OLFM4: variants seen among roughly 807,000 people sequenced by gnomAD.
OLFM4 encodes the protein olfactomedin-4.
OLFM4 carries 22 observed loss-of-function variants against 25.5 expected under a neutral mutation model. The observed-to-expected ratio is 0.86, with a 90% CI of 0.62 to 1.23. OLFM4 has a LOEUF of 1.23. Among genes scored for constraint, OLFM4 ranks in the 50% most tolerant of loss-of-function variants. The pLI is 0.00. For synonymous variants in OLFM4, 255 were observed against 237.7 expected, an observed-to-expected ratio of 1.07 and a Z score of -0.67; for missense variants, 594 against 619.4, an observed-to-expected ratio of 0.96 and a Z score of 0.44.
intron 4 of OLFM4, among the ~76,000 whole-genome samples, chr13:53,046,430 T>G (rs983213735): frequency 2.0e-5 from 3 of 152,334 alleles, no homozygotes; most frequent in Admixed American, 6.5e-5. Flanking sequence ...AAGGCTAAAC[T>G]TCTATAGAGG....
At chr13:53,042,381 T>G (rs2138237988) in intron 3 of OLFM4, among the ~76,000 whole-genome samples, 1 of 152,316 alleles carries the variant, frequency 6.6e-6, no homozygotes, top group Non-Finnish European at 1.5e-5. Flanking sequence ...AAAATGCCCT[T>G]TCAACTTCTC....
chr13:53,032,785 C>A (rs1310066990), intron 1 of OLFM4, among the ~76,000 whole-genome samples: 3 of 151,866 alleles, frequency 2.0e-5, no homozygotes, highest in African/African-American at 7.3e-5. Context: ...GATGCAAAAG[C>A]CTTGATTGGC....
chr13:53,046,327 A>G (rs1393500221), intron 4 of OLFM4, among the ~76,000 whole-genome samples: 3 of 152,192 alleles, frequency 2.0e-5, no homozygotes, highest in Admixed American at 1.3e-4. Context: ...CCAAGTCAGA[A>G]TATTTTAAAT....
At chr13:53,038,923 C>A (rs565995786) in intron 2 of OLFM4, among the ~76,000 whole-genome samples, 1 of 152,246 alleles carries the variant, frequency 6.6e-6, no homozygotes, top group Non-Finnish European at 1.5e-5. Context: ...GGATGATTGC[C>A]ATTTTCCTGA....
Position 53,050,395 on chromosome 13 carries a change from C to T in OLFM4, c.1157C>T (p.Ala386Val). ...ANVAWQDIDF[A>V]VDENGLWVIY... Reference sequence around the variant, plus strand: ...GTTGCTTGGCAAGATATTGACTTTGCTGTGGATGAGAATGGATTGTGGGTT... The same window carrying T: ...GTTGCTTGGCAAGATATTGACTTTGTTGTGGATGAGAATGGATTGTGGGTT... Residue 386 changes from alanine (A) to valine (V), a missense_variant, in exon 5 of 5, where the codon GCT becomes GTT. Ala to Val is a moderately conservative substitution (Grantham distance 64). Coordinates refer to ENST00000219022, the MANE Select transcript of OLFM4 (RefSeq NM_006418.5). 1.9e-6 allele frequency: 3 copies of T among 1,614,038 alleles called. No homozygotes were observed. Among genetic ancestry groups the T allele is most frequent in the Non-Finnish European group, 2.5e-6 (3 of 1,179,980 alleles).
intron 4 of OLFM4, among the ~76,000 whole-genome samples, chr13:53,044,324 A>G (rs1258481323): frequency 1.1e-4 from 17 of 152,170 alleles, no homozygotes. Context: ...GATATCAATG[A>G]CACAGGGACC....
Position 53,043,145 on chromosome 13 carries a change from T to C in OLFM4, c.611T>C (p.Leu204Pro), listed in dbSNP as rs753801493. The change falls in exon 4 of 5, where the codon CTA (leucine) becomes CCA (proline). Residue 204 changes from leucine (L) to proline (P), a missense_variant. By Grantham distance (98) the Leu-to-Pro change is moderately conservative. Transcript: ENST00000219022. ...MTLLVEKLETLDKNNVLAIRR... is the reference protein window; with the variant it reads ...MTLLVEKLETPDKNNVLAIRR... ...CTCTTGGTAGAGAAGCTTGAGACAC[T>C]AGACAAAAACAATGTCCTTGCCATT... 14 of 1,612,310 alleles carry C rather than the reference T, an allele frequency of 8.7e-6. No homozygotes were observed. Among genetic ancestry groups the C allele is most frequent in the Non-Finnish European group, 1.2e-5 (14 of 1,179,302 alleles).
In OLFM4 at chr13:53,049,978, G is replaced by C. The variant is rs139228260; in HGVS notation, c.740G>C (p.Gly247Ala). The C allele has an allele frequency of 6.2e-7, 1 of 1,605,620 alleles. No homozygotes were observed. Among genetic ancestry groups the C allele is most frequent in the South Asian group, 1.1e-5 (1 of 90,830 alleles). Reference sequence around the variant, plus strand: ...TTTCTTGTTTGTATAGGGAGCTGTGGTCATGGTGGTGTGGTGAACATCAGC... The same window carrying C: ...TTTCTTGTTTGTATAGGGAGCTGTGCTCATGGTGGTGTGGTGAACATCAGC... Reference protein sequence around the residue: ...VHPPPTPGSCGHGGVVNISKP... With the variant: ...VHPPPTPGSCAHGGVVNISKP... The change falls in exon 5 of 5, where the codon GGT becomes GCT. Residue 247 changes from glycine (G) to alanine (A), a missense_variant. Transcript: ENST00000219022.
At chr13:53,049,382 G>A (rs1237354200) in intron 4 of OLFM4, among the ~76,000 whole-genome samples, 2 of 152,130 alleles carry the variant, frequency 1.3e-5, no homozygotes, top group African/African-American at 4.8e-5. Context: ...TCTGAGAATA[G>A]CTTAAAGCAG....
chr13:53,042,182 C>G (rs918737716), intron 3 of OLFM4, 60 bp downstream of exon 3: 4 of 1,403,454 alleles, frequency 2.9e-6, no homozygotes, highest in Admixed American at 1.8e-5. Context: ...TGACTGTAAG[C>G]AAGTACTAGT....
intron 2 of OLFM4, among the ~76,000 whole-genome samples, chr13:53,041,315 T>C (rs1295958193): frequency 1.3e-5 from 2 of 152,198 alleles, no homozygotes; most frequent in African/African-American, 4.8e-5. Context: ...GATCATGTTC[T>C]TTGTAGGAAC....
At chr13:53,049,407 G>A (rs145915957) in intron 4 of OLFM4, among the ~76,000 whole-genome samples, 4 of 152,260 alleles carry the variant, frequency 2.6e-5, no homozygotes, top group Non-Finnish European at 5.9e-5. Context: ...GGTACCTGGC[G>A]TGGATGTGCA....
At chr13:53,039,366 A>G (rs1247374209) in intron 2 of OLFM4, among the ~76,000 whole-genome samples, 3 of 152,170 alleles carry the variant, frequency 2.0e-5, no homozygotes, top group Non-Finnish European at 4.4e-5. Context: ...TCTGCAGTGC[A>G]CTTCTCAGGG....
chr13:53,031,918 A>G (rs1157073103), intron 1 of OLFM4, among the ~76,000 whole-genome samples: 2 of 152,222 alleles, frequency 1.3e-5, no homozygotes, highest in African/African-American at 2.4e-5. Flanking sequence ...TCATTCATGT[A>G]GAGTTTGGGC....
At chr13:53,040,816 C>G (rs919753936) in intron 2 of OLFM4, among the ~76,000 whole-genome samples, 1 of 152,080 alleles carries the variant, frequency 6.6e-6, no homozygotes, top group Admixed American at 6.6e-5. Flanking sequence ...ATGATACAAA[C>G]CAGTTTAGTT....
intron 2 of OLFM4, among the ~76,000 whole-genome samples, chr13:53,040,384 AC>A (rs1239608846): frequency 1.3e-5 from 2 of 152,264 alleles, no homozygotes; most frequent in Admixed American, 1.3e-4. Flanking sequence ...TCTACAGGGC[AC>A]ACACACTCAC....
intron 4 of OLFM4, among the ~76,000 whole-genome samples, chr13:53,049,655 T>C (rs984062267): frequency 6.6e-6 from 1 of 152,206 alleles, no homozygotes; most frequent in African/African-American, 2.4e-5. Context: ...TCACCAAGTC[T>C]CCCTTTCCTC....
intron 4 of OLFM4, among the ~76,000 whole-genome samples, chr13:53,048,100 T>G (rs1954724950): frequency 6.6e-6 from 1 of 152,218 alleles, no homozygotes; most frequent in Non-Finnish European, 1.5e-5. Flanking sequence ...TTGTTATCAT[T>G]AAACTGAACA....
At chr13:53,048,415 G>GTGGATTTA (rs1488647037) in intron 4 of OLFM4, among the ~76,000 whole-genome samples, 1 of 152,156 alleles carries the variant, frequency 6.6e-6, no homozygotes, top group Non-Finnish European at 1.5e-5. Flanking sequence ...CTCACCAACT[G>GTGGATTTA]TGGATTTATG....
Sources: allele counts gnomAD v4.1 joint callset (sites outside exome capture counted in the v4.1 genomes callset), GRCh38; gene constraint gnomAD v4.1.1; transcripts MANE v1.5; gene names NCBI Gene and HGNC (gene_info 2026-07-23, HGNC 2026-07-21).